MDGA2: variants seen among roughly 807,000 people sequenced by gnomAD.
The protein encoded by MDGA2 is MAM domain-containing glycosylphosphatidylinositol anchor protein 2.
In MDGA2, 40 loss-of-function variants were observed where a neutral mutation model predicts 117.8. That is an observed-to-expected ratio of 0.34 (90% CI 0.26 to 0.44). The LOEUF (loss-of-function observed/expected upper bound fraction) is 0.44, where lower values mean the gene tolerates loss of function less well. Among genes scored for constraint, MDGA2 ranks in the 20% least tolerant of loss-of-function variants. The pLI is 1.00. For missense variants in MDGA2, 1,123 were observed against 1,250.6 expected, an observed-to-expected ratio of 0.90 and a Z score of 1.54; for synonymous variants, 452 against 439.0, an observed-to-expected ratio of 1.03 and a Z score of -0.37.
intron 8 of MDGA2, among the ~76,000 whole-genome samples, chr14:47,001,294 A>G (rs559756871): frequency 2.0e-5 from 3 of 152,260 alleles, no homozygotes; most frequent in East Asian, 1.9e-4. Context: ...AAAATTTTAC[A>G]TAAGTGCTCT....
chr14:46,958,174 C>T (rs1216554607), intron 8 of MDGA2, among the ~76,000 whole-genome samples: 3 of 152,076 alleles, frequency 2.0e-5, no homozygotes, highest in African/African-American at 7.2e-5. Context: ...GGCAAGTATG[C>T]TACAAAAATA....
chr14:47,153,709 TAAA>T (rs201838648), intron 3 of MDGA2, among the ~76,000 whole-genome samples: 2 of 68,538 alleles, frequency 2.9e-5, no homozygotes, highest in Non-Finnish European at 6.7e-5. Flanking sequence ...AGAAAAGAAA[TAAA>T]AAAAAAAAAA....
At chr14:47,512,427 C>G (rs1025972747) in intron 1 of MDGA2, among the ~76,000 whole-genome samples, 1 of 152,080 alleles carries the variant, frequency 6.6e-6, no homozygotes, top group African/African-American at 2.4e-5. Flanking sequence ...AGTTCAAAAT[C>G]ACTCATAAAG....
chr14:46,978,063 T>G (rs1886534408), intron 8 of MDGA2, among the ~76,000 whole-genome samples: 2 of 151,902 alleles, frequency 1.3e-5, no homozygotes, highest in African/African-American at 4.8e-5. Flanking sequence ...TTATTTTTCT[T>G]GAGGATTAAA....
At chr14:46,882,599 T>C (rs530759002) in intron 10 of MDGA2, among the ~76,000 whole-genome samples, 1 of 151,484 alleles carries the variant, frequency 6.6e-6, no homozygotes, top group South Asian at 2.1e-4. Flanking sequence ...AGCAAACATA[T>C]GCATTGCATA....
At chr14:46,950,232 TGGATTCCC>T (rs1885322356) in intron 9 of MDGA2, among the ~76,000 whole-genome samples, 1 of 151,904 alleles carries the variant, frequency 6.6e-6, no homozygotes, top group African/African-American at 2.4e-5. Context: ...AGATTTCGCA[TGGATTCCC>T]CTATATTTTA....
intron 1 of MDGA2, among the ~76,000 whole-genome samples, chr14:47,614,224 G>A (rs1405192240): frequency 1.3e-5 from 2 of 150,558 alleles, no homozygotes; most frequent in African/African-American, 2.4e-5. Flanking sequence ...CGAGTAGCTT[G>A]GGTTACAGGC....
chr14:47,131,963 C>A, intron 4 of MDGA2, 117 bp from the exon 5 acceptor site: 1 of 806,598 alleles, frequency 1.2e-6, no homozygotes, highest in Non-Finnish European at 1.7e-6. Flanking sequence ...ATATGACAGA[C>A]TGTCTTTTTT....
At chr14:47,247,638 A>ATTATTATTATTATTATTC (rs2139629473) in intron 2 of MDGA2, among the ~76,000 whole-genome samples, 1 of 148,608 alleles carries the variant, frequency 6.7e-6, no homozygotes, top group African/African-American at 2.5e-5. Flanking sequence ...CATATTTATT[A>ATTATTATTATTATTATTC]TTATTATTAT....
chr14:47,074,114 AATTT>A (rs1455361512), intron 6 of MDGA2, among the ~76,000 whole-genome samples: 2 of 145,216 alleles, frequency 1.4e-5, no homozygotes, highest in African/African-American at 2.6e-5. Flanking sequence ...ATGATTAATT[AATTT>A]AATTAATCAT....
intron 1 of MDGA2, among the ~76,000 whole-genome samples, chr14:47,395,780 T>C (rs893097731): frequency 3.9e-5 from 6 of 152,176 alleles, no homozygotes; most frequent in African/African-American, 1.4e-4. Flanking sequence ...TACATAATTA[T>C]AACTTTTAAA....
At chr14:47,241,551 T>A (rs1887041446) in intron 2 of MDGA2, among the ~76,000 whole-genome samples, 1 of 151,952 alleles carries the variant, frequency 6.6e-6, no homozygotes, top group African/African-American at 2.4e-5. Context: ...TTAGCAAAGG[T>A]GTTTTCTTTA....
At chr14:47,638,947 T>C (rs907188108) in intron 1 of MDGA2, among the ~76,000 whole-genome samples, 1 of 152,148 alleles carries the variant, frequency 6.6e-6, no homozygotes, top group African/African-American at 2.4e-5. Context: ...TTGGCATTCC[T>C]TGAAGATACC....
Position 46,929,632 on chromosome 14 carries a change from TATATATATATATATACA to T in MDGA2, c.2090-9489_2090-9473del, listed in dbSNP as rs1566530331. 2.9e-3 allele frequency among the ~76,000 whole-genome samples: 105 copies of T among 36,422 alleles called. 10 individuals are homozygous for T. The highest frequency in any genetic ancestry group is 4.1e-3 in the African/African-American group (39 of 9,412). 23.9% of individuals were successfully genotyped at this position (36,422 alleles called of 152,430 possible). On this transcript the variant is annotated intron_variant, in intron 9 of 16. Coordinates refer to ENST00000399232, the MANE Select transcript of MDGA2 (RefSeq NM_001113498.3). ...ATATATATATATATATATATATATATATATATATATATATACATTTTTTTTTTTTTTTTTTCGAGATG... is the reference window on the plus strand; with the variant it reads ...ATATATATATATATATATATATATATTTTTTTTTTTTTTTTTTTCGAGATG...
chr14:47,646,087 A>G (rs1342070665), intron 1 of MDGA2, among the ~76,000 whole-genome samples: 2 of 151,630 alleles, frequency 1.3e-5, no homozygotes, highest in Non-Finnish European at 2.9e-5. Context: ...CTCAAAAAAA[A>G]AAAAAAAAAA....
chr14:47,026,832 G>A (rs1352048206), intron 8 of MDGA2, among the ~76,000 whole-genome samples: 1 of 151,954 alleles, frequency 6.6e-6, no homozygotes, highest in Non-Finnish European at 1.5e-5. Flanking sequence ...AAAAAGGGAG[G>A]AAAGAAAAAA....
chr14:46,931,313 G>C lies in MDGA2; in HGVS notation c.2090-11153C>G, dbSNP rs118139490. Among the ~76,000 whole-genome samples the C allele has an allele frequency of 8.6e-3, 1,308 of 151,268 alleles. 8 individuals carry two copies. Among genetic ancestry groups the C allele is most frequent in the Middle Eastern group, 0.014 (4 of 286 alleles). On this transcript the variant is annotated intron_variant, in intron 9 of 16. Coordinates refer to ENST00000399232, the MANE Select transcript of MDGA2 (RefSeq NM_001113498.3). ...GTAATTCAGGTACTTACTTCTTACA[G>C]AGTTGTTATCAGAAATATGTTAAAT...
At chr14:47,666,166 C>T (rs1025250182) in intron 1 of MDGA2, among the ~76,000 whole-genome samples, 11 of 151,708 alleles carry the variant, frequency 7.3e-5, no homozygotes, top group East Asian at 3.9e-4. Context: ...ATGCACCAAT[C>T]GGCACTCTGT....
At chr14:47,037,285 A>G (rs1336034682) in intron 7 of MDGA2, among the ~76,000 whole-genome samples, 1 of 152,200 alleles carries the variant, frequency 6.6e-6, no homozygotes, top group African/African-American at 2.4e-5. Flanking sequence ...CCCCTTGATA[A>G]TCTTAAGGAC....
Sources: allele counts gnomAD v4.1 joint callset (sites outside exome capture counted in the v4.1 genomes callset), GRCh38; gene constraint gnomAD v4.1.1; transcripts MANE v1.5; gene names NCBI Gene and HGNC (gene_info 2026-07-23, HGNC 2026-07-21).